The following NRXN1 variants were observed in gnomAD, a reference collection of about 807,000 sequenced individuals.
NRXN1 encodes the protein neurexin-1.
Under a neutral mutation model 150.9 loss-of-function variants are expected in NRXN1, and 39 were observed. The ratio of observed to expected loss-of-function variants is 0.26; its 90% CI spans 0.20 to 0.34. NRXN1 has a LOEUF of 0.34. Among genes scored for constraint, NRXN1 ranks in the 10% least tolerant of loss-of-function variants. NRXN1 has a pLI of 1.00. For synonymous variants in NRXN1, 924 were observed against 757.0 expected (o/e 1.22, Z -3.62); for missense variants, 1,815 against 1,949.9 (o/e 0.93, Z 1.30).
At chr2:50,349,349 C>A (rs1458650888) in intron 17 of NRXN1, among the ~76,000 whole-genome samples, 3 of 152,162 alleles carry the variant, frequency 2.0e-5, no homozygotes, top group Non-Finnish European at 4.4e-5. Flanking sequence ...ATTTCTTACT[C>A]ATTTTGTTAT....
intron 21 of NRXN1, among the ~76,000 whole-genome samples, chr2:49,993,375 G>C (rs1682351158): frequency 6.6e-6 from 1 of 152,164 alleles, no homozygotes; most frequent in African/African-American, 2.4e-5. Context: ...TACAGAGACA[G>C]TACAAAGTTC....
At chr2:50,187,171 C>T (rs1052825569) in intron 18 of NRXN1, among the ~76,000 whole-genome samples, 4 of 152,036 alleles carry the variant, frequency 2.6e-5, no homozygotes, top group African/African-American at 7.2e-5. Flanking sequence ...TAAAGGAGTT[C>T]AGAATGAGAC....
chr2:50,561,890 G>T (rs1229133623), intron 8 of NRXN1, among the ~76,000 whole-genome samples: 1 of 152,246 alleles, frequency 6.6e-6, no homozygotes, highest in African/African-American at 2.4e-5. Context: ...GATACTTTCC[G>T]CATCAGTCTT....
At chr2:49,950,489 T>A (rs1333301097) in intron 21 of NRXN1, among the ~76,000 whole-genome samples, 1 of 152,002 alleles carries the variant, frequency 6.6e-6, no homozygotes, top group African/African-American at 2.4e-5. Context: ...CATCTATGCG[T>A]AGCATTTTCT....
chr2:50,605,908 G>T (rs567341660), intron 8 of NRXN1, among the ~76,000 whole-genome samples: 105 of 152,186 alleles, frequency 6.9e-4, no homozygotes, highest in African/African-American at 2.5e-3. Flanking sequence ...ATCCATTGAT[G>T]GATGACTGGA....
intron 17 of NRXN1, among the ~76,000 whole-genome samples, chr2:50,382,027 G>A (rs6709416): frequency 0.25 from 37,774 of 151,932 alleles, 5,009 homozygotes; most frequent in East Asian, 0.45. Flanking sequence ...TTTCTGAAGA[G>A]GGATTCTGCA....
intron 19 of NRXN1, among the ~76,000 whole-genome samples, chr2:50,085,408 T>G (rs1698636296): frequency 6.6e-6 from 1 of 152,142 alleles, no homozygotes; most frequent in Non-Finnish European, 1.5e-5. Flanking sequence ...TTTTCACTAT[T>G]TTACTTTTAG....
At chr2:50,484,706 A>G (rs1418409203) in intron 15 of NRXN1, among the ~76,000 whole-genome samples, 2 of 152,222 alleles carry the variant, frequency 1.3e-5, no homozygotes, top group African/African-American at 4.8e-5. Flanking sequence ...GGAGAACTTC[A>G]GGGGCTAAGA....
At chr2:51,013,394 G>A (rs993409417) in intron 2 of NRXN1, among the ~76,000 whole-genome samples, 1 of 151,742 alleles carries the variant, frequency 6.6e-6, no homozygotes, top group Non-Finnish European at 1.5e-5. Context: ...AACAGTTGGT[G>A]ACATATTTTA....
intron 17 of NRXN1, among the ~76,000 whole-genome samples, chr2:50,412,597 T>A (rs1366379701): frequency 6.6e-6 from 1 of 152,110 alleles, no homozygotes; most frequent in African/African-American, 2.4e-5. Context: ...TTTAGATACA[T>A]GTCATAAAAT....
At chr2:50,341,580 G>T (rs2077551317) in intron 17 of NRXN1, among the ~76,000 whole-genome samples, 1 of 152,282 alleles carries the variant, frequency 6.6e-6, no homozygotes, top group Admixed American at 6.5e-5. Context: ...TTTTTACACA[G>T]ATATGTTTCT....
chr2:50,281,627 G>A (rs559809960), intron 17 of NRXN1, among the ~76,000 whole-genome samples: 18 of 152,164 alleles, frequency 1.2e-4, no homozygotes, highest in Middle Eastern at 3.4e-3. Flanking sequence ...CACTAAGGAA[G>A]GAAGTGAGGA....
At chr2:50,424,946 C>T (rs2084361527) in intron 17 of NRXN1, among the ~76,000 whole-genome samples, 1 of 152,170 alleles carries the variant, frequency 6.6e-6, no homozygotes, top group Admixed American at 6.5e-5. Flanking sequence ...CTTCATTCTA[C>T]ATTTAGTAAC....
intron 18 of NRXN1, chr2:50,199,334 T>A (rs1409233812): frequency 6.6e-6 from 1 of 152,092 alleles, no homozygotes; most frequent in Non-Finnish European, 1.5e-5. Flanking sequence ...AATCATATTT[T>A]GAAACCAGGT....
At chr2:50,217,721 C>G (rs1274940262) in intron 18 of NRXN1, among the ~76,000 whole-genome samples, 2 of 151,986 alleles carry the variant, frequency 1.3e-5, no homozygotes, top group Admixed American at 1.3e-4. Context: ...AACCCAGAGT[C>G]CTATGCAGAA....
intron 18 of NRXN1, among the ~76,000 whole-genome samples, chr2:50,219,966 T>TA (rs2063729402): frequency 1.7e-5 from 1 of 60,030 alleles, no homozygotes; most frequent in Non-Finnish European, 2.8e-5. Flanking sequence ...ATATATATTA[T>TA]ATATATATAA....
At chr2:50,940,307 T>G (rs1042685445) in intron 2 of NRXN1, among the ~76,000 whole-genome samples, 2 of 151,840 alleles carry the variant, frequency 1.3e-5, no homozygotes, top group Non-Finnish European at 2.9e-5. Context: ...AAACCCCATC[T>G]CTACCAAAAA....
At chr2:50,807,650 T>C (rs1460249992) in intron 5 of NRXN1, among the ~76,000 whole-genome samples, 1 of 152,158 alleles carries the variant, frequency 6.6e-6, no homozygotes, top group Admixed American at 6.5e-5. Flanking sequence ...TTCAAGGTTC[T>C]GAACTCCTTT....
At chr2:50,528,160 G>A (rs1004717210) in intron 12 of NRXN1, among the ~76,000 whole-genome samples, 2 of 152,196 alleles carry the variant, frequency 1.3e-5, no homozygotes, top group South Asian at 2.1e-4. Flanking sequence ...AAGGAAGAAC[G>A]TTTTAGACGA....
Sources: allele counts gnomAD v4.1 joint callset (sites outside exome capture counted in the v4.1 genomes callset), GRCh38; gene constraint gnomAD v4.1.1; transcripts MANE v1.5; gene names NCBI Gene and HGNC (gene_info 2026-07-23, HGNC 2026-07-21).